CTTNBP2: variants seen among roughly 807,000 people sequenced by gnomAD.
CTTNBP2 encodes the protein cortactin binding protein 2, also known as cortactin-binding protein 2.
CTTNBP2 carries 108 observed loss-of-function variants against 156.9 expected under a neutral mutation model. The ratio of observed to expected loss-of-function variants is 0.69; its 90% CI spans 0.59 to 0.81. The LOEUF is 0.81. Ranked by LOEUF, CTTNBP2 falls within the 30% of genes least tolerant of loss-of-function variation. The pLI is 0.00. For missense variants in CTTNBP2, 1,924 were observed against 2,035.4 expected (o/e 0.95, Z 1.05); for synonymous variants, 767 against 751.8 (o/e 1.02, Z -0.33).
intron 8 of CTTNBP2, among the ~76,000 whole-genome samples, chr7:117,774,771 T>C (rs1798004865): frequency 6.6e-6 from 1 of 152,114 alleles, no homozygotes; most frequent in Non-Finnish European, 1.5e-5. Context: ...GAAGTCATCT[T>C]CTTGGGTAGC....
At chr7:117,828,684 T>C (rs1801437377) in intron 2 of CTTNBP2, among the ~76,000 whole-genome samples, 1 of 152,238 alleles carries the variant, frequency 6.6e-6, no homozygotes, top group South Asian at 2.1e-4. Flanking sequence ...TGATAAAAGC[T>C]CAACTATTTA....
intron 11 of CTTNBP2, 27 bp downstream of exon 11, chr7:117,757,848 C>T (rs377737477): frequency 6.0e-6 from 9 of 1,498,466 alleles, no homozygotes; most frequent in East Asian, 2.3e-5. Flanking sequence ...ACTCTTTAAA[C>T]GTCACCTTAG....
At chr7:117,787,147 G>C (rs1798744650) in intron 4 of CTTNBP2, among the ~76,000 whole-genome samples, 1 of 152,104 alleles carries the variant, frequency 6.6e-6, no homozygotes, top group African/African-American at 2.4e-5. Flanking sequence ...AGACTATACT[G>C]TTCATCTGAA....
chr7:117,814,227 T>C (rs961924068), intron 2 of CTTNBP2, among the ~76,000 whole-genome samples: 7 of 132,186 alleles, frequency 5.3e-5, no homozygotes, highest in East Asian at 2.3e-4. Flanking sequence ...ACAGATTTTA[T>C]GGTCAAAAAG....
intron 3 of CTTNBP2, among the ~76,000 whole-genome samples, chr7:117,808,761 G>A (rs758458652): frequency 2.0e-5 from 3 of 151,996 alleles, no homozygotes; most frequent in Non-Finnish European, 2.9e-5. Context: ...TACTCTACAT[G>A]CGAGGGAACT....
chr7:117,829,456 G>A (rs1215444293), intron 2 of CTTNBP2, among the ~76,000 whole-genome samples: 2 of 152,208 alleles, frequency 1.3e-5, no homozygotes, highest in African/African-American at 4.8e-5. Context: ...CTCTCAGCCA[G>A]GGCAGACAGA....
intron 2 of CTTNBP2, among the ~76,000 whole-genome samples, chr7:117,841,785 C>T (rs1056499594): frequency 6.6e-6 from 1 of 152,182 alleles, no homozygotes; most frequent in Non-Finnish European, 1.5e-5. Flanking sequence ...TAAAAGATTA[C>T]TTCTCTTTTT....
intron 1 of CTTNBP2, among the ~76,000 whole-genome samples, chr7:117,864,970 A>C (rs1484017898): frequency 6.8e-6 from 1 of 146,902 alleles, no homozygotes; most frequent in African/African-American, 2.5e-5. Context: ...CATTCAATAT[A>C]TATTCATATA....
intron 10 of CTTNBP2, among the ~76,000 whole-genome samples, chr7:117,759,316 T>C (rs1797062185): frequency 6.6e-6 from 1 of 152,124 alleles, no homozygotes; most frequent in Admixed American, 6.6e-5. Flanking sequence ...CTCAGTATGT[T>C]GCCCATGCTG....
intron 2 of CTTNBP2, among the ~76,000 whole-genome samples, chr7:117,821,009 A>G (rs1800931194): frequency 6.6e-6 from 1 of 152,188 alleles, no homozygotes; most frequent in African/African-American, 2.4e-5. Flanking sequence ...CTGCAAAGAA[A>G]TTATTTAAAT....
intron 17 of CTTNBP2, among the ~76,000 whole-genome samples, chr7:117,727,840 A>G (rs558697208): frequency 5.9e-5 from 9 of 152,202 alleles, no homozygotes; most frequent in Non-Finnish European, 1.3e-4. Context: ...TCTGCATAGC[A>G]AGCCAAACAT....
intron 2 of CTTNBP2, among the ~76,000 whole-genome samples, chr7:117,839,088 A>C (rs978088203): frequency 6.6e-6 from 1 of 151,968 alleles, no homozygotes; most frequent in African/African-American, 2.4e-5. Flanking sequence ...TATTCAAGTT[A>C]AGGCCTTCCC....
intron 12 of CTTNBP2, among the ~76,000 whole-genome samples, chr7:117,748,737 G>A (rs765675973): frequency 1.7e-4 from 26 of 152,128 alleles, no homozygotes; most frequent in Non-Finnish European, 3.4e-4. Context: ...CTTGCATCCT[G>A]TAGACAACAT....
intron 3 of CTTNBP2, among the ~76,000 whole-genome samples, chr7:117,808,141 C>T (rs1482933240): frequency 1.3e-5 from 2 of 152,156 alleles, no homozygotes; most frequent in Non-Finnish European, 1.5e-5. Flanking sequence ...ATTCAAAGTT[C>T]TGATCAAATT....
chr7:117,837,636 A>C (rs572736386), intron 2 of CTTNBP2, among the ~76,000 whole-genome samples: 1 of 152,330 alleles, frequency 6.6e-6, no homozygotes, highest in Non-Finnish European at 1.5e-5. Context: ...CTTATGTGTC[A>C]TATACACCTT....
chr7:117,762,266 C>T (rs1040089031), intron 9 of CTTNBP2, among the ~76,000 whole-genome samples: 1 of 152,160 alleles, frequency 6.6e-6, no homozygotes, highest in Non-Finnish European at 1.5e-5. Context: ...TTCCTGCTGA[C>T]TTGACATCTC....
Position 117,839,404 on chromosome 7 carries a change from T to C in CTTNBP2, c.189+21805A>G, listed in dbSNP as rs578037854. 1.4e-4 allele frequency among the ~76,000 whole-genome samples: 22 copies of C among 152,348 alleles called. No individual in the cohort carries two copies. In the East Asian group the frequency reaches 4.0e-3, roughly 28 times the overall value. On this transcript the variant is annotated intron_variant, in intron 2 of 22. Coordinates refer to ENST00000160373, the MANE Select transcript of CTTNBP2 (RefSeq NM_033427.3). ...TCTGGACTTTAGTTCCTAAGCCCTG[T>C]GTCAGAACCACAGAATTGCCTTAAT... is the stretch of plus-strand genomic sequence containing the variant.
chr7:117,814,246 T>TC (rs1800446338), intron 2 of CTTNBP2, among the ~76,000 whole-genome samples: 2 of 3,730 alleles, frequency 5.4e-4, no homozygotes, highest in Admixed American at 4.0e-3. Flanking sequence ...AGCATTTAAT[T>TC]CTTTTTTTTT....
chr7:117,771,578 C>T (rs187248642), intron 8 of CTTNBP2, among the ~76,000 whole-genome samples: 2 of 152,300 alleles, frequency 1.3e-5, no homozygotes, highest in African/African-American at 2.4e-5. Flanking sequence ...CCATGTTCAG[C>T]TCTGTTCTGA....
Sources: allele counts gnomAD v4.1 joint callset (sites outside exome capture counted in the v4.1 genomes callset), GRCh38; gene constraint gnomAD v4.1.1; transcripts MANE v1.5; gene names NCBI Gene and HGNC (gene_info 2026-07-23, HGNC 2026-07-21).